PSMB2: variants seen among roughly 807,000 people sequenced by gnomAD.
PSMB2 encodes proteasome 20S subunit beta 2, also known as proteasome subunit beta type-2.
A neutral mutation model predicts 25.7 loss-of-function variants in PSMB2; 13 were observed. The observed-to-expected ratio is 0.51, with a 90% confidence interval of 0.33 to 0.80. PSMB2 has a LOEUF of 0.80. Among genes scored for constraint, PSMB2 ranks in the 30% least tolerant of loss-of-function variants. The probability of loss-of-function intolerance (pLI) is 0.02; values close to 1 mark genes in which losing one functional copy is unlikely to be tolerated. For synonymous variants in PSMB2, 87 were observed against 96.2 expected (o/e 0.90, Z 0.56); for missense variants, 202 against 259.0 (o/e 0.78, Z 1.51).
chr1:35,614,127 G>A (rs554271078), intron 3 of PSMB2, among the ~76,000 whole-genome samples: 1 of 152,270 alleles, frequency 6.6e-6, no homozygotes, highest in Admixed American at 6.5e-5. Context: ...GGGCCCTAGG[G>A]TAATGGTGTT....
chr1:35,611,326 T>A (rs1371604056), intron 3 of PSMB2, among the ~76,000 whole-genome samples: 3 of 151,988 alleles, frequency 2.0e-5, no homozygotes, highest in African/African-American at 7.2e-5. Context: ...AACTCATGGT[T>A]TTTGCTTTTT....
At chr1:35,640,709 G>T (rs987282558) in intron 1 of PSMB2, among the ~76,000 whole-genome samples, 7 of 150,096 alleles carry the variant, frequency 4.7e-5, no homozygotes, top group Non-Finnish European at 1.0e-4. Context: ...ACCTTATGCC[G>T]CCAACAAACT....
chr1:35,621,169 A>T (rs1203474906), intron 3 of PSMB2, among the ~76,000 whole-genome samples: 1 of 152,046 alleles, frequency 6.6e-6, no homozygotes, highest in Non-Finnish European at 1.5e-5. Flanking sequence ...ACTCTCAAAC[A>T]CCTTGGTCTG....
chr1:35,603,635 G>A (rs78418027), intron 5 of PSMB2, among the ~76,000 whole-genome samples: 3,856 of 152,258 alleles, frequency 0.025, 186 homozygotes, highest in African/African-American at 0.086. Flanking sequence ...GTCAGCTGAC[G>A]AAAGAATGAG....
intron 5 of PSMB2, among the ~76,000 whole-genome samples, chr1:35,603,760 G>A (rs759576941): frequency 7.2e-5 from 11 of 152,180 alleles, no homozygotes; most frequent in African/African-American, 9.7e-5. Flanking sequence ...TCCTCAGAAC[G>A]AAGCAGAGGC....
chr1:35,616,880 G>C (rs1052826708), intron 3 of PSMB2, among the ~76,000 whole-genome samples: 2 of 151,952 alleles, frequency 1.3e-5, no homozygotes, highest in Non-Finnish European at 2.9e-5. Flanking sequence ...AATTAAAGAA[G>C]GACTTCATAT....
intron 2 of PSMB2, among the ~76,000 whole-genome samples, chr1:35,632,386 A>G (rs555650415): frequency 2.0e-5 from 3 of 152,370 alleles, no homozygotes; most frequent in East Asian, 3.9e-4. Context: ...GGGCCCACAC[A>G]GAAAATGTCA....
intron 3 of PSMB2, among the ~76,000 whole-genome samples, chr1:35,615,372 AGT>A (rs1650463259): frequency 6.6e-6 from 1 of 152,012 alleles, no homozygotes; most frequent in South Asian, 2.1e-4. Context: ...GGGGGTGGCG[AGT>A]GTGCACTGCA....
chr1:35,622,046 A>G (rs979435729), intron 3 of PSMB2, among the ~76,000 whole-genome samples: 2 of 152,194 alleles, frequency 1.3e-5, no homozygotes, highest in Non-Finnish European at 2.9e-5. Context: ...GCGAATGAAC[A>G]TAGTAAATAT....
Position 35,601,565 on chromosome 1 carries a change from T to C in PSMB2, c.*1702A>G, listed in dbSNP as rs1650002507. On this transcript the variant is annotated 3_prime_UTR_variant, in exon 6 of 6. Transcript: ENST00000373237. ...CATTTATCATTGGCGTATTAAATAGTGTATAAGACACCCAAATCTAATGTT... is the reference window on the plus strand; with the variant it reads ...CATTTATCATTGGCGTATTAAATAGCGTATAAGACACCCAAATCTAATGTT... The C allele has an allele frequency of 2.0e-6, 2 of 985,280 alleles. No homozygotes were observed. Among genetic ancestry groups the C allele is most frequent in the African/African-American group, 1.7e-5 (1 of 57,350 alleles). 61.0% of individuals were successfully genotyped at this position (985,280 alleles called of 1,614,324 possible). A position where few individuals can be genotyped will look rare whatever the true frequency, so the allele number is the denominator to read the frequency against.
At position 35,602,257 on chromosome 1, in the gene PSMB2, G is replaced by A. The variant is rs12082263; in HGVS notation, c.*1010C>T. 0.33 allele frequency: 50,897 copies of A among 152,028 alleles called. 14,583 individuals are homozygous for A. Among genetic ancestry groups the A allele is most frequent in the East Asian group, 0.79 (4,066 of 5,126 alleles). The allele number at this position is 152,028 out of a possible 1,614,324, so 9.4% of individuals were successfully genotyped here. ...TGAGATGGGAGGATCACTTGGGCCC[G>A]GGAGGCGGAGGTTGCAGTGAGCCAA... On this transcript the variant is annotated 3_prime_UTR_variant, in exon 6 of 6. Coordinates refer to ENST00000373237, the MANE Select transcript of PSMB2 (RefSeq NM_002794.5).
At chr1:35,608,053 T>A (rs1390403248) in intron 4 of PSMB2, among the ~76,000 whole-genome samples, 1 of 152,146 alleles carries the variant, frequency 6.6e-6, no homozygotes, top group Non-Finnish European at 1.5e-5. Flanking sequence ...CTGTAAGGGA[T>A]GGGGGACATT....
At chr1:35,605,211 G>A in intron 5 of PSMB2, 22 bp downstream of exon 5, 3 of 1,591,144 alleles carry the variant, frequency 1.9e-6, no homozygotes, top group Non-Finnish European at 1.7e-6. Flanking sequence ...ATTCCTTTCA[G>A]GATCCTATGG....
At chr1:35,620,349 G>A (rs1490545722) in intron 3 of PSMB2, among the ~76,000 whole-genome samples, 2 of 152,104 alleles carry the variant, frequency 1.3e-5, no homozygotes, top group Non-Finnish European at 2.9e-5. Flanking sequence ...GGCTTTAACT[G>A]ACATGCAGGC....
intron 3 of PSMB2, among the ~76,000 whole-genome samples, chr1:35,613,671 C>T (rs1415249037): frequency 6.6e-6 from 1 of 152,180 alleles, no homozygotes; most frequent in African/African-American, 2.4e-5. Context: ...CTACCTCCCT[C>T]TAGACACAGG....
At chr1:35,610,898 C>G (rs1337708980) in intron 3 of PSMB2, among the ~76,000 whole-genome samples, 1 of 152,158 alleles carries the variant, frequency 6.6e-6, no homozygotes, top group African/African-American at 2.4e-5. Flanking sequence ...TTATAGGTAT[C>G]CTTTCTTTGT....
intron 5 of PSMB2, among the ~76,000 whole-genome samples, chr1:35,604,047 G>A (rs118048817): frequency 9.3e-5 from 14 of 149,904 alleles, no homozygotes; most frequent in South Asian, 6.4e-4. Flanking sequence ...AAAAAAAAGC[G>A]GGGGGTGGGG....
intron 3 of PSMB2, among the ~76,000 whole-genome samples, chr1:35,628,599 ATATAT>A (rs1557456352): frequency 6.8e-4 from 16 of 23,598 alleles, no homozygotes; most frequent in Non-Finnish European, 8.7e-4. Flanking sequence ...AAAAAAAAAT[ATATAT>A]ATATATATAT....
intron 3 of PSMB2, 68 bp downstream of exon 3, chr1:35,631,203 TATA>T (rs1651084249): frequency 3.3e-6 from 5 of 1,500,436 alleles, no homozygotes; most frequent in Admixed American, 1.7e-5. Flanking sequence ...ACTACTCATG[TATA>T]ATGAGAATAT....
Sources: gnomAD v4.1 joint callset for allele counts (sites outside exome capture counted in the v4.1 genomes callset) on GRCh38, gnomAD v4.1.1 for gene constraint, MANE v1.5 for transcripts, NCBI Gene and HGNC (gene_info 2026-07-23, HGNC 2026-07-21) for gene names.